The following CELF2 variants were observed in gnomAD, a reference collection of about 807,000 sequenced individuals.
CELF2 encodes the protein CUG triplet repeat RNA-binding protein 2.
CELF2 carries 8 observed loss-of-function variants against 62.6 expected under a neutral mutation model. The ratio of observed to expected loss-of-function variants is 0.13; its 90% CI spans 0.07 to 0.23. The LOEUF (loss-of-function observed/expected upper bound fraction) is 0.23. Among genes scored for constraint, CELF2 ranks in the 10% least tolerant of loss-of-function variants. The pLI, the probability that CELF2 is intolerant of heterozygous loss-of-function variation, is 1.00. For missense variants in CELF2, 333 were observed against 671.0 expected (o/e 0.50, Z 5.56); for synonymous variants, 258 against 250.0 (o/e 1.03, Z -0.30).
chr10:10,739,437 T>G, the CELF2 span, among the ~76,000 whole-genome samples: 8 of 152,310 alleles, frequency 5.3e-5, no homozygotes, highest in South Asian at 8.3e-4. Context: ...ATACCATTTT[T>G]GGGCATTTTA....
the CELF2 span, among the ~76,000 whole-genome samples, chr10:10,627,453 C>T: frequency 6.6e-6 from 1 of 152,216 alleles, no homozygotes; most frequent in Admixed American, 6.5e-5. Flanking sequence ...AGAAAGACTT[C>T]AGGAGTTCAC....
At chr10:10,914,063 T>G (rs1398754882) in intron 1 of CELF2, among the ~76,000 whole-genome samples, 1 of 152,046 alleles carries the variant, frequency 6.6e-6, no homozygotes, top group Non-Finnish European at 1.5e-5. Flanking sequence ...ACCCCACACC[T>G]TCTACAACTA....
the CELF2 span, among the ~76,000 whole-genome samples, chr10:10,508,141 G>A: frequency 6.8e-6 from 1 of 146,960 alleles, no homozygotes; most frequent in African/African-American, 2.5e-5. Context: ...CCTGGGAGGT[G>A]TCTGTGCTGT....
chr10:10,813,722 T>C (rs2056160624), intron 1 of CELF2, among the ~76,000 whole-genome samples: 1 of 152,232 alleles, frequency 6.6e-6, no homozygotes, highest in African/African-American at 2.4e-5. Flanking sequence ...ATTTAAGCAG[T>C]TTATTCCAAA....
the CELF2 span, among the ~76,000 whole-genome samples, chr10:10,738,440 G>A: frequency 6.6e-6 from 1 of 152,152 alleles, no homozygotes; most frequent in Non-Finnish European, 1.5e-5. Context: ...CCTTGGCCAG[G>A]TGATCAACAT....
chr10:11,050,388 T>C (rs887796615), intron 1 of CELF2, among the ~76,000 whole-genome samples: 7 of 152,330 alleles, frequency 4.6e-5, no homozygotes, highest in African/African-American at 1.7e-4. Context: ...CAGATACTTC[T>C]GGGACATGCG....
intron 1 of CELF2, among the ~76,000 whole-genome samples, chr10:11,139,530 A>G (rs2060962701): frequency 6.6e-6 from 1 of 152,204 alleles, no homozygotes. Context: ...GTGTTTTCTT[A>G]TAAATAGTTT....
At chr10:10,795,169 A>G (rs1157715517), upstream of CELF2, among the ~76,000 whole-genome samples, 3 of 152,004 alleles carry the variant, frequency 2.0e-5, no homozygotes, top group African/African-American at 7.3e-5. Context: ...AGCTCTATGA[A>G]AAGGAAAGTG....
rs1564799878 is a variant in CELF2, at chr10:10,906,707, T to TTTTTA, written c.54-13253_54-13252insATTTT. 5.7e-5 allele frequency among the ~76,000 whole-genome samples: 8 copies of TTTTTA among 140,690 alleles called. No homozygotes were observed. In the East Asian group the frequency reaches 1.8e-3, roughly 31 times the overall value. 92.3% of individuals were successfully genotyped at this position (140,690 alleles called of 152,430 possible). On this transcript the variant is annotated intron_variant, in intron 1 of 13. Coordinates refer to the CELF2 transcript ENST00000636488. The stretch of plus-strand genomic sequence containing the variant: ...ATACCAGAACATACCTTTCTTTTTC[T>TTTTTA]TTTTCTTTTCTTTTTTTTTTTTTTT...
At chr10:10,660,449 G>A in the CELF2 span, among the ~76,000 whole-genome samples, 1 of 152,166 alleles carries the variant, frequency 6.6e-6, no homozygotes, top group African/African-American at 2.4e-5. Context: ...GATGCTGTGG[G>A]TGTTTATTCC....
chr10:11,020,322 C>G (rs1015185699), intron 1 of CELF2, among the ~76,000 whole-genome samples: 2 of 152,162 alleles, frequency 1.3e-5, no homozygotes, highest in Non-Finnish European at 2.9e-5. Flanking sequence ...TTATTTGTTT[C>G]CTAAATAGCT....
chr10:11,068,823 G>A (rs1454061399), intron 1 of CELF2, among the ~76,000 whole-genome samples: 1 of 152,170 alleles, frequency 6.6e-6, no homozygotes, highest in East Asian at 1.9e-4. Flanking sequence ...GCTTCCCAAA[G>A]TGCTGGGATT....
the CELF2 span, among the ~76,000 whole-genome samples, chr10:10,675,419 T>C: frequency 6.6e-6 from 1 of 152,154 alleles, no homozygotes; most frequent in African/African-American, 2.4e-5. Context: ...TTCTTTATCT[T>C]TGATTTTCTT....
In CELF2 at chr10:11,063,357, C is replaced by T. The variant is rs573101731; in HGVS notation, c.74+45194C>T. ...TTGAAAGATGTTGACTTAAGATGGT[C>T]AGGCGACTACTACCAAACATTCATG... On this transcript the variant is annotated intron_variant, in intron 1 of 12. Transcript: ENST00000633077. 7.0e-4 allele frequency among the ~76,000 whole-genome samples: 106 copies of T among 152,320 alleles called. 1 individual carries two copies. The highest frequency in any genetic ancestry group is 2.4e-3 in the African/African-American group (99 of 41,574).
At chr10:10,858,214 A>G (rs538820524) in intron 1 of CELF2, among the ~76,000 whole-genome samples, 6 of 152,280 alleles carry the variant, frequency 3.9e-5, no homozygotes, top group Admixed American at 1.3e-4. Flanking sequence ...CAAGAATTTC[A>G]CAAACACCAA....
At chr10:10,796,833 A>T, upstream of CELF2, 1 of 945,740 alleles carries the variant, frequency 1.1e-6, no homozygotes, top group Non-Finnish European at 1.3e-6. Flanking sequence ...CTGTGGTCTG[A>T]GATTCACAGT....
chr10:11,200,458 T>C (rs1028061017), intron 2 of CELF2, among the ~76,000 whole-genome samples: 1 of 152,230 alleles, frequency 6.6e-6, no homozygotes, highest in Non-Finnish European at 1.5e-5. Context: ...CCCTTTGATA[T>C]TTCTTATACT....
intron 1 of CELF2, among the ~76,000 whole-genome samples, chr10:11,155,256 T>C (rs7084340): frequency 0.043 from 6,608 of 152,272 alleles, 255 homozygotes; most frequent in African/African-American, 0.1. Context: ...ATTATACAAA[T>C]GAATAATTGC....
the CELF2 span, among the ~76,000 whole-genome samples, chr10:10,771,610 A>G: frequency 6.6e-6 from 1 of 152,206 alleles, no homozygotes; most frequent in Non-Finnish European, 1.5e-5. Flanking sequence ...CGTGTAGTGA[A>G]TAAGTCTCAT....
Sources: gnomAD v4.1 joint callset for allele counts (sites outside exome capture counted in the v4.1 genomes callset) on GRCh38, gnomAD v4.1.1 for gene constraint, MANE v1.5 for transcripts, NCBI Gene and HGNC (gene_info 2026-07-23, HGNC 2026-07-21) for gene names.